Variants in NDUFA5 observed in about 807,000 individuals in gnomAD.
NDUFA5 encodes NADH:ubiquinone oxidoreductase subunit A5, also known as NADH dehydrogenase [ubiquinone] 1 alpha subcomplex subunit 5.
Under a neutral mutation model 19.8 loss-of-function variants are expected in NDUFA5, and 11 were observed. The ratio of observed to expected loss-of-function variants is 0.56; its 90% CI spans 0.35 to 0.92. The LOEUF is 0.92. NDUFA5 is among the 40% of genes least tolerant of loss of function. NDUFA5 has a pLI of 0.01. For missense variants in NDUFA5, 109 were observed against 134.2 expected (o/e 0.81, Z 0.93); for synonymous variants, 47 against 46.8 (o/e 1.00, Z -0.01).
the NDUFA5 span, chr7:123,596,290 T>A: frequency 6.6e-6 from 1 of 152,128 alleles, no homozygotes; most frequent in Admixed American, 6.5e-5. Flanking sequence ...GAGTGACATC[T>A]TTTAATGGTA....
At chr7:123,547,972 G>A (rs577300594) in intron 3 of NDUFA5, among the ~76,000 whole-genome samples, 1 of 152,130 alleles carries the variant, frequency 6.6e-6, no homozygotes, top group African/African-American at 2.4e-5. Context: ...TGATGAAATT[G>A]AGACCGAGAA....
chr7:123,596,680 TAA>T, the NDUFA5 span, among the ~76,000 whole-genome samples: 11 of 152,158 alleles, frequency 7.2e-5, no homozygotes, highest in Admixed American at 2.0e-4. Flanking sequence ...TTTATTGTGC[TAA>T]GTTTTCTTCG....
rs148918751 is a variant in NDUFA5 at position 123,551,107 on chromosome 7, G to A, written c.67-521C>T. On this transcript the variant is annotated intron_variant, in intron 2 of 4. Transcript: ENST00000355749. ...CGCCTGGCTAATTTTTGGTAGAGAC[G>A]GGGTTTTGCCATGTTGGCCAGACTG... 6.8e-3 allele frequency among the ~76,000 whole-genome samples: 1,035 copies of A among 151,892 alleles called. 14 individuals carry two copies. The highest frequency in any genetic ancestry group is 0.024 in the African/African-American group (991 of 41,424).
chr7:123,587,210 C>A, the NDUFA5 span, among the ~76,000 whole-genome samples: 1 of 151,590 alleles, frequency 6.6e-6, no homozygotes, highest in Non-Finnish European at 1.5e-5. Flanking sequence ...TTTGTGTCTT[C>A]TTTCAATGTC....
the NDUFA5 span, among the ~76,000 whole-genome samples, chr7:123,575,820 T>TTTC: frequency 2.0e-5 from 3 of 150,822 alleles, no homozygotes; most frequent in Non-Finnish European, 4.4e-5. Context: ...AGTTTTCTTT[T>TTTC]TTTTTTTTTT....
At chr7:123,581,232 G>A in the NDUFA5 span, among the ~76,000 whole-genome samples, 1 of 151,806 alleles carries the variant, frequency 6.6e-6, no homozygotes, top group East Asian at 1.9e-4. Context: ...TAGTAGAAGG[G>A]TATGGGAGAT....
chr7:123,585,220 T>A, the NDUFA5 span, among the ~76,000 whole-genome samples: 1 of 151,754 alleles, frequency 6.6e-6, no homozygotes, highest in African/African-American at 2.4e-5. Context: ...ATCCCCCTCT[T>A]AGAAATTAAT....
At chr7:123,583,622 A>G in the NDUFA5 span, among the ~76,000 whole-genome samples, 1 of 152,058 alleles carries the variant, frequency 6.6e-6, no homozygotes, top group African/African-American at 2.4e-5. Context: ...TCATAAAGTA[A>G]GTCAAACAAA....
At chr7:123,555,497 C>A (rs1262893604) in intron 2 of NDUFA5, 1 of 152,114 alleles carries the variant, frequency 6.6e-6, no homozygotes, top group Non-Finnish European at 1.5e-5. Flanking sequence ...AAGAGAAATA[C>A]CAACTATGAT....
intron 2 of NDUFA5, among the ~76,000 whole-genome samples, chr7:123,553,916 C>T (rs754890124): frequency 1.2e-4 from 18 of 152,136 alleles, no homozygotes; most frequent in African/African-American, 1.7e-4. Flanking sequence ...AAAAAGGTGG[C>T]ATCTAAGATA....
the NDUFA5 span, among the ~76,000 whole-genome samples, chr7:123,573,253 G>T: frequency 7.0e-6 from 1 of 143,200 alleles, no homozygotes; most frequent in Admixed American, 6.9e-5. Context: ...CTTCCCCCCC[G>T]CCTCCCCATA....
rs1315958365 is a variant in NDUFA5, at chr7:123,545,597, A to G, written c.249+14T>C. The G allele has an allele frequency of 6.2e-7, 1 of 1,606,732 alleles. No homozygotes were observed. The highest frequency in any genetic ancestry group is 1.1e-5 in the South Asian group (1 of 90,242). On this transcript the variant is annotated intron_variant, in intron 4 of 4. Coordinates refer to ENST00000355749, the MANE Select transcript of NDUFA5 (RefSeq NM_005000.5). ...TATGAAACCAAACACCTAAATAGTC[A>G]ACTTTTTCTTTACCTGAAGAATCAC...
At chr7:123,549,522 A>G (rs879555504) in intron 3 of NDUFA5, among the ~76,000 whole-genome samples, 1 of 152,226 alleles carries the variant, frequency 6.6e-6, no homozygotes, top group Non-Finnish European at 1.5e-5. Context: ...CATGCCTGTG[A>G]TCCCAGCACT....
chr7:123,561,828 C>T (rs1798692515), upstream of NDUFA5, among the ~76,000 whole-genome samples: 2 of 151,910 alleles, frequency 1.3e-5, no homozygotes. Context: ...GAACTCCTGA[C>T]CTCATGATCC....
At chr7:123,577,902 A>T in the NDUFA5 span, among the ~76,000 whole-genome samples, 3 of 151,954 alleles carry the variant, frequency 2.0e-5, no homozygotes, top group South Asian at 2.1e-4. Context: ...TTACTTTTTT[A>T]AAAATTATAC....
At chr7:123,575,663 T>A in the NDUFA5 span, among the ~76,000 whole-genome samples, 1 of 152,108 alleles carries the variant, frequency 6.6e-6, no homozygotes, top group African/African-American at 2.4e-5. Context: ...GTAACCTTTA[T>A]CTTTGAAGGA....
At chr7:123,583,629 C>G in the NDUFA5 span, among the ~76,000 whole-genome samples, 1 of 151,862 alleles carries the variant, frequency 6.6e-6, no homozygotes, top group East Asian at 1.9e-4. Flanking sequence ...GTAAGTCAAA[C>G]AAAATGAGCG....
chr7:123,575,620 A>C, the NDUFA5 span, among the ~76,000 whole-genome samples: 1 of 151,992 alleles, frequency 6.6e-6, no homozygotes, highest in Non-Finnish European at 1.5e-5. Flanking sequence ...ATAGTTACCC[A>C]AGCCATTATT....
chr7:123,566,489 C>T, the NDUFA5 span, among the ~76,000 whole-genome samples: 1 of 152,062 alleles, frequency 6.6e-6, no homozygotes, highest in African/African-American at 2.4e-5. Context: ...GGATAGCTGC[C>T]CCTAGAAACA....
Sources: gnomAD v4.1 joint callset for allele counts (sites outside exome capture counted in the v4.1 genomes callset) on GRCh38, gnomAD v4.1.1 for gene constraint, MANE v1.5 for transcripts, NCBI Gene and HGNC (gene_info 2026-07-23, HGNC 2026-07-21) for gene names.